DOCK3: variants seen among roughly 807,000 people sequenced by gnomAD.
DOCK3 encodes dedicator of cytokinesis 3, also known as dedicator of cytokinesis protein 3.
In DOCK3, 60 loss-of-function variants were observed where a neutral mutation model predicts 265.6. The observed-to-expected ratio is 0.23, with a 90% CI of 0.18 to 0.28. The LOEUF is 0.28. Ranked by LOEUF, DOCK3 falls within the 10% of genes least tolerant of loss-of-function variation. The pLI, the probability that DOCK3 is intolerant of heterozygous loss-of-function variation, is 1.00. For synonymous variants in DOCK3, 881 were observed against 938.0 expected (o/e 0.94, Z 1.11); for missense variants, 1,981 against 2,594.3 (o/e 0.76, Z 5.14).
chr3:51,144,284 A>G (rs1440271681), intron 9 of DOCK3, among the ~76,000 whole-genome samples: 1 of 151,446 alleles, frequency 6.6e-6, no homozygotes, highest in African/African-American at 2.4e-5. Context: ...TTTCTTTCCT[A>G]CTCCTCACAC....
At chr3:51,261,820 C>T (rs2079865971) in intron 23 of DOCK3, among the ~76,000 whole-genome samples, 1 of 152,146 alleles carries the variant, frequency 6.6e-6, no homozygotes, top group Admixed American at 6.5e-5. Context: ...AGGCAGAGCC[C>T]ACCACAGTGC....
At chr3:51,012,067 G>T (rs1289133379) in intron 5 of DOCK3, among the ~76,000 whole-genome samples, 1 of 152,154 alleles carries the variant, frequency 6.6e-6, no homozygotes, top group Non-Finnish European at 1.5e-5. Context: ...GCTACTCGGG[G>T]GTCAGGGACC....
chr3:50,850,551 T>G (rs972761507), intron 3 of DOCK3, among the ~76,000 whole-genome samples: 1 of 152,178 alleles, frequency 6.6e-6, no homozygotes, highest in African/African-American at 2.4e-5. Context: ...GGTGTCACTA[T>G]ATGTGTATTT....
rs542895083 is a variant in DOCK3 at position 51,260,099 on chromosome 3, G to T, written c.2185-57G>T. The T allele has an allele frequency of 2.6e-6, 4 of 1,549,754 alleles. No homozygotes were observed. In the Admixed American group the frequency reaches 5.6e-5, roughly 22 times the overall value. On this transcript the variant is annotated intron_variant, in intron 22 of 52. Transcript: ENST00000266037. ...TACTTTGCCCCTTGTTTCCTGCTAT[G>T]TGAGTTCCTGAGCATCTTCAACATC...
chr3:50,818,098 C>T (rs2044195574), intron 2 of DOCK3, among the ~76,000 whole-genome samples: 1 of 152,196 alleles, frequency 6.6e-6, no homozygotes, highest in Non-Finnish European at 1.5e-5. Flanking sequence ...GTTCCTGAAC[C>T]TTGAGCCTGC....
chr3:50,941,101 T>C (rs1385795482), intron 5 of DOCK3, among the ~76,000 whole-genome samples: 2 of 152,146 alleles, frequency 1.3e-5, no homozygotes, highest in African/African-American at 4.8e-5. Flanking sequence ...AAATTTTTGT[T>C]CTTGAATGAC....
intron 1 of DOCK3, among the ~76,000 whole-genome samples, chr3:50,698,202 AC>A (rs1411190400): frequency 3.3e-5 from 5 of 151,386 alleles, no homozygotes; most frequent in Non-Finnish European, 5.9e-5. Flanking sequence ...CCACCCGGGC[AC>A]CCCCTAATTG....
chr3:50,683,306 G>A (rs2034542218), intron 1 of DOCK3, among the ~76,000 whole-genome samples: 1 of 152,158 alleles, frequency 6.6e-6, no homozygotes, highest in Non-Finnish European at 1.5e-5. Flanking sequence ...TAGCTCATGA[G>A]TACAACCTGT....
intron 5 of DOCK3, among the ~76,000 whole-genome samples, chr3:51,054,728 T>G (rs2081137023): frequency 6.6e-6 from 1 of 152,278 alleles, no homozygotes; most frequent in South Asian, 2.1e-4. Context: ...TATTTTACTG[T>G]TTTTTAATAT....
At chr3:50,758,532 G>A (rs377716854) in intron 1 of DOCK3, among the ~76,000 whole-genome samples, 3 of 152,032 alleles carry the variant, frequency 2.0e-5, no homozygotes, top group East Asian at 1.9e-4. Flanking sequence ...CACCCTGAAC[G>A]CGCCGATCTC....
chr3:50,873,717 C>G (rs897830849), intron 3 of DOCK3, among the ~76,000 whole-genome samples: 9 of 152,146 alleles, frequency 5.9e-5, no homozygotes, highest in Non-Finnish European at 1.2e-4. Context: ...AACTCAAGTT[C>G]CAATCACTGA....
chr3:51,041,796 G>A (rs1026779649), intron 5 of DOCK3, among the ~76,000 whole-genome samples: 1 of 152,138 alleles, frequency 6.6e-6, no homozygotes, highest in Non-Finnish European at 1.5e-5. Flanking sequence ...CACTTAGGGA[G>A]CATAAGAAGA....
chr3:51,374,634 C>T lies in DOCK3; in HGVS notation c.5412+47C>T. On this transcript the variant is annotated intron_variant, in intron 50 of 52. Coordinates refer to ENST00000266037, the MANE Select transcript of DOCK3 (RefSeq NM_004947.5). The surrounding 1 kb of genome is among the most constrained non-coding windows in gnomAD (Gnocchi z 4.8). ...CTGTCCTCTGCTGCAAGTGTGTTAG[C>T]CTGTGCTTCCCTCCTTGCATTTGCG... 1.3e-6 allele frequency: 2 copies of T among 1,518,842 alleles called. No homozygotes were observed. Among genetic ancestry groups the T allele is most frequent in the Non-Finnish European group, 1.8e-6 (2 of 1,109,298 alleles). The allele number at this position is 1,518,842 out of a possible 1,614,324, so 94.1% of individuals were successfully genotyped here. A position where few individuals can be genotyped will look rare whatever the true frequency, so the allele number is the denominator to read the frequency against.
rs761766549 is a variant in DOCK3 at position 51,356,528 on chromosome 3, A to G, written c.4503+35A>G. ...GTCTCAGATGAAGCTGAGCTTCACA[A>G]CTGCTCCATCAGCCCCAGCTCTGGG... On this transcript the variant is annotated intron_variant, in intron 43 of 52. Coordinates refer to ENST00000266037, the MANE Select transcript of DOCK3 (RefSeq NM_004947.5). The G allele has an allele frequency of 1.4e-5, 23 of 1,590,690 alleles. No individual in the cohort carries two copies. In the African/African-American group the frequency reaches 3.1e-4, roughly 21 times the overall value.
At chr3:50,900,129 G>A (rs550898317) in intron 4 of DOCK3, among the ~76,000 whole-genome samples, 1 of 151,976 alleles carries the variant, frequency 6.6e-6, no homozygotes, top group East Asian at 1.9e-4. Flanking sequence ...ATGTAGATTT[G>A]GTCTTTTCAC....
At chr3:51,282,522 G>A (rs992546228) in intron 27 of DOCK3, among the ~76,000 whole-genome samples, 1 of 151,784 alleles carries the variant, frequency 6.6e-6, no homozygotes, top group African/African-American at 2.4e-5. Flanking sequence ...GTGTGGTGGT[G>A]CACGCCTGTA....
In DOCK3 at chr3:51,016,737, T is replaced by TAA. The variant is rs2079311035; in HGVS notation, c.316-47711_316-47710insAA. Among the ~76,000 whole-genome samples the TAA allele has an allele frequency of 3.9e-4, 4 of 10,272 alleles. 1 individual carries two copies. The highest frequency in any genetic ancestry group is 1.7e-3 in the African/African-American group (4 of 2,332). The allele number at this position is 10,272 out of a possible 152,430, so 6.7% of individuals were successfully genotyped here. Reference sequence around the variant, plus strand: ...ATCAATATAATATATATGATACATATTATATATATCAATATAATATATATG... The same window carrying TAA: ...ATCAATATAATATATATGATACATATAATATATATATCAATATAATATATATG... On this transcript the variant is annotated intron_variant, in intron 5 of 52. Transcript: ENST00000266037.
chr3:50,743,405 G>A (rs1159979609), intron 1 of DOCK3, among the ~76,000 whole-genome samples: 2 of 150,808 alleles, frequency 1.3e-5, no homozygotes, highest in South Asian at 4.2e-4. Context: ...TGGCAAATTG[G>A]TTAAAGAGTC....
At chr3:50,741,264 CTG>C (rs1415103447) in intron 1 of DOCK3, among the ~76,000 whole-genome samples, 6 of 36,486 alleles carry the variant, frequency 1.6e-4, no homozygotes, top group Non-Finnish European at 2.9e-4. Context: ...GTTTCAGTCT[CTG>C]TTTTTTTATT....
Sources: gnomAD v4.1 joint callset for allele counts (sites outside exome capture counted in the v4.1 genomes callset) on GRCh38, gnomAD v4.1.1 for gene constraint, Gnocchi (gnomAD v3.1) non-coding constraint, MANE v1.5 for transcripts, NCBI Gene and HGNC (gene_info 2026-07-23, HGNC 2026-07-21) for gene names.